PCNX1: variants seen among roughly 807,000 people sequenced by gnomAD.
PCNX1 encodes pecanex-like protein 1.
In PCNX1, 78 loss-of-function variants were observed where a neutral mutation model predicts 242.2. The observed-to-expected ratio is 0.32, with a 90% CI of 0.27 to 0.39. PCNX1 has a LOEUF of 0.39. Ranked by LOEUF, PCNX1 falls within the 10% of genes least tolerant of loss-of-function variation. The pLI, the probability that PCNX1 is intolerant of heterozygous loss-of-function variation, is 1.00. For missense variants in PCNX1, 2,581 were observed against 2,856.5 expected (o/e 0.90, Z 2.20); for synonymous variants, 1,024 against 1,032.9 (o/e 0.99, Z 0.17).
intron 1 of PCNX1, among the ~76,000 whole-genome samples, chr14:70,930,830 T>G (rs762424070): frequency 3.9e-5 from 6 of 152,210 alleles, no homozygotes; most frequent in Admixed American, 2.0e-4. Context: ...GAGAGTACTT[T>G]TCTCCTTTTC....
At chr14:70,935,718 T>C (rs890826931) in intron 1 of PCNX1, among the ~76,000 whole-genome samples, 1 of 152,232 alleles carries the variant, frequency 6.6e-6, no homozygotes, top group Non-Finnish European at 1.5e-5. Flanking sequence ...TACAGTGAAT[T>C]ACAGTGGAAC....
At chr14:71,048,903 T>C (rs2060943868) in intron 22 of PCNX1, 1 of 268,974 alleles carries the variant, frequency 3.7e-6, no homozygotes, top group African/African-American at 2.3e-5. Context: ...TCAATTTCAG[T>C]ATTGTGATAA....
rs557719869 is a variant in PCNX1 at position 70,941,212 on chromosome 14, T to C, written c.154-5703T>C. On this transcript the variant is annotated intron_variant, in intron 1 of 35. Coordinates refer to ENST00000304743, the MANE Select transcript of PCNX1 (RefSeq NM_014982.3). ...TTTGGAGGAGAAGAGGCACTCTGATTTTTAGAATTTTCATCTTTTCTGCTC... is the reference window on the plus strand; with the variant it reads ...TTTGGAGGAGAAGAGGCACTCTGATCTTTAGAATTTTCATCTTTTCTGCTC... 3.3e-5 allele frequency among the ~76,000 whole-genome samples: 5 copies of C among 152,312 alleles called. No homozygotes were observed. In the South Asian group the frequency reaches 1.0e-3, roughly 32 times the overall value.
At chr14:70,959,680 C>T (rs2058134380) in intron 2 of PCNX1, among the ~76,000 whole-genome samples, 1 of 151,008 alleles carries the variant, frequency 6.6e-6, no homozygotes, top group African/African-American at 2.4e-5. Context: ...AATAGTGCCG[C>T]AGTAAACATA....
intron 12 of PCNX1, among the ~76,000 whole-genome samples, chr14:71,020,816 T>C (rs1329599884): frequency 6.6e-6 from 1 of 152,226 alleles, no homozygotes; most frequent in African/African-American, 2.4e-5. Context: ...TTTGGTGTTT[T>C]AGTCATGAAG....
intron 26 of PCNX1, among the ~76,000 whole-genome samples, chr14:71,067,523 T>C (rs1258243595): frequency 1.3e-5 from 2 of 151,846 alleles, no homozygotes; most frequent in Non-Finnish European, 2.9e-5. Context: ...GTCTGACTAT[T>C]GTTCTATTTT....
At chr14:71,051,835 C>G in intron 23 of PCNX1, 48 bp from the exon 24 acceptor site, 2 of 1,581,744 alleles carry the variant, frequency 1.3e-6, no homozygotes, top group Non-Finnish European at 1.7e-6. Context: ...GTTTGTTTGG[C>G]ATCTGTGCTC....
At chr14:71,039,023 G>A (rs1316321872) in intron 19 of PCNX1, among the ~76,000 whole-genome samples, 1 of 151,554 alleles carries the variant, frequency 6.6e-6, no homozygotes, top group Non-Finnish European at 1.5e-5. Flanking sequence ...ATTGAACAAT[G>A]AGATCACATG....
At chr14:71,101,783 T>C (rs1352067348) in intron 30 of PCNX1, among the ~76,000 whole-genome samples, 1 of 152,068 alleles carries the variant, frequency 6.6e-6, no homozygotes, top group Non-Finnish European at 1.5e-5. Context: ...GAGGGTTGGA[T>C]TGAGGAATTT....
At chr14:70,918,415 T>A (rs2056236379) in intron 1 of PCNX1, among the ~76,000 whole-genome samples, 1 of 152,238 alleles carries the variant, frequency 6.6e-6, no homozygotes, top group African/African-American at 2.4e-5. Context: ...TCAACAAATC[T>A]TTGATTTTAC....
intron 7 of PCNX1, among the ~76,000 whole-genome samples, chr14:70,995,273 A>T (rs543901823): frequency 6.6e-6 from 1 of 152,202 alleles, no homozygotes. Flanking sequence ...TCAAGTGCAT[A>T]TAAACTTGTT....
intron 1 of PCNX1, among the ~76,000 whole-genome samples, chr14:70,912,161 G>A (rs1016181754): frequency 1.3e-5 from 2 of 152,030 alleles, no homozygotes; most frequent in Non-Finnish European, 2.9e-5. Flanking sequence ...TGTGAACCTG[G>A]GAGGCAGAGC....
At chr14:71,093,395 A>C (rs888479101) in intron 30 of PCNX1, 8 of 152,100 alleles carry the variant, frequency 5.3e-5, no homozygotes, top group African/African-American at 1.9e-4. Flanking sequence ...TAAGCACCAC[A>C]CTAGAAGTAT....
At chr14:71,055,425 T>G in intron 24 of PCNX1, 79 bp from the exon 25 acceptor site, 1 of 811,460 alleles carries the variant, frequency 1.2e-6, no homozygotes, top group South Asian at 1.6e-5. Context: ...ATACATTTCC[T>G]ATAGTTTCTT....
chr14:71,027,977 TATCTC>T (rs1287739010), intron 15 of PCNX1, among the ~76,000 whole-genome samples: 6 of 151,944 alleles, frequency 3.9e-5, no homozygotes, highest in South Asian at 2.1e-4. Context: ...AGGTTTCTGA[TATCTC>T]ATAAGGAATT....
chr14:71,057,996 G>A (rs1373254543), intron 26 of PCNX1, among the ~76,000 whole-genome samples: 1 of 152,156 alleles, frequency 6.6e-6, no homozygotes, highest in Middle Eastern at 3.2e-3. Context: ...CTGTTGTTCT[G>A]TGCTTGGTCT....
At chr14:71,059,534 C>T (rs1322454505) in intron 26 of PCNX1, among the ~76,000 whole-genome samples, 2 of 152,014 alleles carry the variant, frequency 1.3e-5, no homozygotes, top group African/African-American at 4.8e-5. Flanking sequence ...CAGGTGCACA[C>T]CACCACTCCT....
intron 2 of PCNX1, among the ~76,000 whole-genome samples, chr14:70,954,853 TAGTA>T (rs1169635195): frequency 3.3e-5 from 5 of 152,204 alleles, no homozygotes; most frequent in African/African-American, 4.8e-5. Flanking sequence ...TAAGTTTCAC[TAGTA>T]AGTAAGATCT....
At chr14:71,031,650 G>A (rs2140925831) in intron 16 of PCNX1, 2 of 668,686 alleles carry the variant, frequency 3.0e-6, no homozygotes, top group South Asian at 1.5e-5. Context: ...TGGGTGGGAC[G>A]TCTCTCACCG....
Sources: gnomAD v4.1 joint callset for allele counts (sites outside exome capture counted in the v4.1 genomes callset) on GRCh38, gnomAD v4.1.1 for gene constraint, MANE v1.5 for transcripts, NCBI Gene and HGNC (gene_info 2026-07-23, HGNC 2026-07-21) for gene names.